Variants in CCDC43 observed in about 807,000 individuals in gnomAD.
CCDC43 encodes the protein coiled-coil domain-containing protein 43.
Under a neutral mutation model 33.3 loss-of-function variants are expected in CCDC43, and 20 were observed. The ratio of observed to expected loss-of-function variants is 0.60; its 90% CI spans 0.42 to 0.87. The LOEUF (loss-of-function observed/expected upper bound fraction) is 0.87. Among genes scored for constraint, CCDC43 ranks in the 40% least tolerant of loss-of-function variants. CCDC43 has a pLI of 0.00. For synonymous variants in CCDC43, 104 were observed against 106.5 expected, an observed-to-expected ratio of 0.98 and a Z score of 0.14; for missense variants, 248 against 269.9, an observed-to-expected ratio of 0.92 and a Z score of 0.57.
chr17:44,689,339 C>T (rs1393465307), intron 1 of CCDC43: 1 of 640,858 alleles, frequency 1.6e-6, no homozygotes, highest in Non-Finnish European at 2.6e-6. Flanking sequence ...CGAGAAAGCC[C>T]TTCCTCTCTG....
intron 3 of CCDC43, among the ~76,000 whole-genome samples, chr17:44,681,109 C>T (rs941428615): frequency 4.6e-5 from 7 of 152,084 alleles, no homozygotes; most frequent in Admixed American, 1.3e-4. Context: ...GGAACCATAG[C>T]TCTGCCAACC....
intron 2 of CCDC43, among the ~76,000 whole-genome samples, chr17:44,682,451 G>A (rs1225262014): frequency 7.1e-6 from 1 of 141,530 alleles, no homozygotes; most frequent in Non-Finnish European, 1.5e-5. Context: ...AGAAAACTAA[G>A]CCTCTGAACA....
chr17:44,679,789 G>A (rs1297548410), intron 4 of CCDC43, among the ~76,000 whole-genome samples: 1 of 151,878 alleles, frequency 6.6e-6, no homozygotes, highest in Non-Finnish European at 1.5e-5. Context: ...AGCTACTCGG[G>A]AGGCTAAGGC....
At chr17:44,680,889 T>C (rs1170190099) in intron 3 of CCDC43, among the ~76,000 whole-genome samples, 1 of 152,200 alleles carries the variant, frequency 6.6e-6, no homozygotes, top group Non-Finnish European at 1.5e-5. Context: ...ATTGCCACAT[T>C]ACCTGGAAGC....
At chr17:44,687,406 A>C (rs1431296377) in intron 1 of CCDC43, among the ~76,000 whole-genome samples, 3 of 152,056 alleles carry the variant, frequency 2.0e-5, no homozygotes, top group African/African-American at 7.2e-5. Flanking sequence ...ACTGCACTCC[A>C]GCCTGGGTGA....
intron 1 of CCDC43, chr17:44,687,861 C>T (rs1015629022): frequency 2.0e-5 from 3 of 152,216 alleles, no homozygotes; most frequent in African/African-American, 7.2e-5. Flanking sequence ...CAGTGAACTT[C>T]CAAGCTTCCT....
chr17:44,678,592 G>A lies in CCDC43; in HGVS notation c.*264C>T, dbSNP rs138180949. ...AGACTTTTTAAAGTGGCCAAAAGGA[G>A]CACAGGACTTGAGTATTAAAATATA... On this transcript the variant is annotated 3_prime_UTR_variant, in exon 5 of 5. Coordinates refer to ENST00000315286, the MANE Select transcript of CCDC43 (RefSeq NM_144609.3). The A allele has an allele frequency of 1.8e-5, 6 of 326,684 alleles. No homozygotes were observed. The East Asian group carries it at 3.1e-4, about 17-fold the overall frequency. The allele number at this position is 326,684 out of a possible 1,614,324, so 20.2% of individuals were successfully genotyped here.
chr17:44,681,494 T>C (rs1197795908), intron 3 of CCDC43, among the ~76,000 whole-genome samples: 1 of 152,130 alleles, frequency 6.6e-6, no homozygotes, highest in Non-Finnish European at 1.5e-5. Flanking sequence ...CCTGGTCACA[T>C]AAGAAAGAAA....
chr17:44,679,481 G>A (rs1157530690), intron 4 of CCDC43, among the ~76,000 whole-genome samples: 1 of 152,192 alleles, frequency 6.6e-6, no homozygotes, highest in African/African-American at 2.4e-5. Flanking sequence ...TGCCTTAAAA[G>A]AGTTAAATAA....
intron 1 of CCDC43, among the ~76,000 whole-genome samples, chr17:44,685,665 A>G (rs1197109746): frequency 1.3e-5 from 2 of 152,134 alleles, no homozygotes; most frequent in African/African-American, 2.4e-5. Flanking sequence ...TGCATTCCCC[A>G]CCTTCACGTT....
rs552085954 is a variant in CCDC43, at chr17:44,678,906, G to T, written c.625C>A (p.Arg209Ser). ...RERDKLAKQE[R>S]KEKEKKRTQR... ...GTCCTTTTTTTTTCCTTTTCCTTGC[G>T]CTCCTGCTTGGCTAGTTTGTCTCTC... Residue 209 changes from arginine to serine, a missense_variant, in exon 5 of 5, where the codon CGC (arginine) becomes AGC (serine). Coordinates refer to ENST00000315286, the MANE Select transcript of CCDC43 (RefSeq NM_144609.3). The T allele has an allele frequency of 3.7e-6, 6 of 1,612,558 alleles. No homozygotes were observed. The highest frequency in any genetic ancestry group is 1.3e-5 in the African/African-American group (1 of 74,660).
chr17:44,684,263 T>C (rs1972202347), intron 1 of CCDC43, among the ~76,000 whole-genome samples: 1 of 152,218 alleles, frequency 6.6e-6, no homozygotes, highest in African/African-American at 2.4e-5. Flanking sequence ...ATTTTATTTT[T>C]AATTGACAAA....
At position 44,678,391 on chromosome 17, in the gene CCDC43, G is replaced by A. The variant is rs982498689; in HGVS notation, c.*465C>T. 1.3e-5 allele frequency: 2 copies of A among 152,192 alleles called. No homozygotes were observed. Among genetic ancestry groups the A allele is most frequent in the Non-Finnish European group, 2.9e-5 (2 of 68,234 alleles). The allele number at this position is 152,192 out of a possible 1,614,324, so 9.4% of individuals were successfully genotyped here. ...TAACATAAAATCTGGATCCAGGTAG[G>A]CCTCTTCATTAGCTTTCTATTTCAG... is the stretch of plus-strand genomic sequence containing the variant. On this transcript the variant is annotated 3_prime_UTR_variant, in exon 5 of 5. Transcript: ENST00000315286.
In CCDC43 at chr17:44,677,546, ATG is replaced by A. The variant is rs904556757; in HGVS notation, c.*1308_*1309del. Reference sequence around the variant, plus strand: ...GTAACATGTCTCCTTTTCCTTAACCATGTTTTTTTTTTTTTAACCTTCTGCAC... The same window carrying A: ...GTAACATGTCTCCTTTTCCTTAACCATTTTTTTTTTTTTAACCTTCTGCAC... On this transcript the variant is annotated 3_prime_UTR_variant, in exon 5 of 5. Transcript: ENST00000315286. 1.1e-4 allele frequency: 16 copies of A among 150,646 alleles called. No homozygotes were observed. Among genetic ancestry groups the A allele is most frequent in the African/African-American group, 3.9e-4 (16 of 40,886 alleles). 9.3% of individuals were successfully genotyped at this position (150,646 alleles called of 1,614,324 possible).
In CCDC43 at chr17:44,682,147, T is replaced by C. The variant is rs761889598; in HGVS notation, c.293-9A>G. ...AATGGCCTGTACTTCATCTGGGAGG[T>C]GGTGGAAGGAAGAACAAGGTTGTAT... On this transcript the variant is annotated splice_polypyrimidine_tract_variant and intron_variant, in intron 2 of 4. Coordinates refer to ENST00000315286, the MANE Select transcript of CCDC43 (RefSeq NM_144609.3). The C allele has an allele frequency of 1.9e-6, 3 of 1,613,478 alleles. No homozygotes were observed. The highest frequency in any genetic ancestry group is 2.5e-6 in the Non-Finnish European group (3 of 1,179,768).
chr17:44,688,094 T>C (rs1355294943), intron 1 of CCDC43: 1 of 152,222 alleles, frequency 6.6e-6, no homozygotes, highest in African/African-American at 2.4e-5. Flanking sequence ...TGTTTCTGCC[T>C]TCTACCCTTT....
intron 4 of CCDC43, 27 bp downstream of exon 4, chr17:44,680,556 AAC>A: frequency 6.5e-7 from 1 of 1,544,984 alleles, no homozygotes; most frequent in Non-Finnish European, 8.9e-7. Flanking sequence ...TCTATGGAGA[AAC>A]ACATAGGGAG....
At chr17:44,681,439 A>G (rs1385392640) in intron 3 of CCDC43, among the ~76,000 whole-genome samples, 1 of 152,154 alleles carries the variant, frequency 6.6e-6, no homozygotes, top group African/African-American at 2.4e-5. Flanking sequence ...CTCTGTCCAG[A>G]ATTATTCTGG....
Position 44,678,771 on chromosome 17 carries a change from T to G in CCDC43, c.*85A>C. On this transcript the variant is annotated 3_prime_UTR_variant, in exon 5 of 5. Coordinates refer to ENST00000315286, the MANE Select transcript of CCDC43 (RefSeq NM_144609.3). ...GGGGAAATGCCTTGGGAAACTACTTTGCAATGCACTCTCATTTCTCTTAAA... is the reference window on the plus strand; with the variant it reads ...GGGGAAATGCCTTGGGAAACTACTTGGCAATGCACTCTCATTTCTCTTAAA... The G allele has an allele frequency of 3.7e-6, 5 of 1,334,738 alleles. No homozygotes were observed. Among genetic ancestry groups the G allele is most frequent in the Non-Finnish European group, 4.1e-6 (4 of 982,740 alleles). The allele number at this position is 1,334,738 out of a possible 1,614,324, so 82.7% of individuals were successfully genotyped here. A position where few individuals can be genotyped will look rare whatever the true frequency, so the allele number is the denominator to read the frequency against.
Sources: allele counts gnomAD v4.1 joint callset (sites outside exome capture counted in the v4.1 genomes callset), GRCh38; gene constraint gnomAD v4.1.1; transcripts MANE v1.5; gene names NCBI Gene and HGNC (gene_info 2026-07-23, HGNC 2026-07-21).